Variants in OSBPL8 observed in about 807,000 individuals in gnomAD.
The protein encoded by OSBPL8 is oxysterol binding protein like 8.
In OSBPL8, 59 loss-of-function variants were observed where a neutral mutation model predicts 125.5. That is an observed-to-expected ratio of 0.47 (90% CI 0.38 to 0.58). The LOEUF (loss-of-function observed/expected upper bound fraction) is 0.58, where lower values mean the gene tolerates loss of function less well. OSBPL8 is among the 20% of genes least tolerant of loss of function. The probability of loss-of-function intolerance (pLI) is 0.00; values close to 1 mark genes in which losing one functional copy is unlikely to be tolerated. For missense variants in OSBPL8, 758 were observed against 1,047.8 expected (o/e 0.72, Z 3.82); for synonymous variants, 330 against 338.9 (o/e 0.97, Z 0.29).
At chr12:76,502,898 G>A (rs912760595) in intron 1 of OSBPL8, among the ~76,000 whole-genome samples, 1 of 152,182 alleles carries the variant, frequency 6.6e-6, no homozygotes, top group Non-Finnish European at 1.5e-5. Flanking sequence ...ATACAGTTGT[G>A]TATCAAATAT....
At chr12:76,534,944 A>G (rs1456908217) in intron 1 of OSBPL8, among the ~76,000 whole-genome samples, 1 of 152,224 alleles carries the variant, frequency 6.6e-6, no homozygotes, top group Non-Finnish European at 1.5e-5. Flanking sequence ...ATTAAAAACA[A>G]CAAGAACAAC....
intron 2 of OSBPL8, among the ~76,000 whole-genome samples, chr12:76,483,037 G>A (rs564863721): frequency 6.6e-6 from 1 of 152,166 alleles, no homozygotes; most frequent in Non-Finnish European, 1.5e-5. Context: ...CGAGGCAGGC[G>A]GATCATGAGG....
chr12:76,401,076 C>G (rs574783212), intron 6 of OSBPL8, among the ~76,000 whole-genome samples: 28 of 152,102 alleles, frequency 1.8e-4, no homozygotes, highest in Non-Finnish European at 4.0e-4. Context: ...AGCCACCACA[C>G]CTGGCCAATT....
chr12:76,363,334 A>T (rs1222356394), intron 21 of OSBPL8, among the ~76,000 whole-genome samples: 1 of 152,204 alleles, frequency 6.6e-6, no homozygotes, highest in Non-Finnish European at 1.5e-5. Context: ...GGAACAGAAC[A>T]GAGGCCTCAG....
At chr12:76,533,469 A>G (rs1013221873) in intron 1 of OSBPL8, among the ~76,000 whole-genome samples, 2 of 152,194 alleles carry the variant, frequency 1.3e-5, no homozygotes, top group African/African-American at 2.4e-5. Flanking sequence ...AACATTTCTA[A>G]AAATATCTAT....
intron 16 of OSBPL8, among the ~76,000 whole-genome samples, chr12:76,377,083 T>C (rs1952848541): frequency 6.6e-6 from 1 of 152,184 alleles, no homozygotes; most frequent in South Asian, 2.1e-4. Context: ...GCTTCATCCA[T>C]GTCCCTGCAA....
chr12:76,526,214 A>G (rs1301285220), intron 1 of OSBPL8, among the ~76,000 whole-genome samples: 1 of 152,258 alleles, frequency 6.6e-6, no homozygotes, highest in Non-Finnish European at 1.5e-5. Flanking sequence ...TAAACAATCC[A>G]GGAGGAGAAA....
At chr12:76,528,690 C>A (rs1049393191) in intron 1 of OSBPL8, among the ~76,000 whole-genome samples, 34 of 151,056 alleles carry the variant, frequency 2.3e-4, no homozygotes, top group South Asian at 4.2e-4. Context: ...ACACACACAC[C>A]CACACAACGA....
At chr12:76,460,312 C>A (rs1163401751) in intron 2 of OSBPL8, among the ~76,000 whole-genome samples, 1 of 152,020 alleles carries the variant, frequency 6.6e-6, no homozygotes, top group Non-Finnish European at 1.5e-5. Context: ...CTATATAACA[C>A]CCATGCACTA....
chr12:76,555,175 C>T (rs1269801242), intron 1 of OSBPL8, among the ~76,000 whole-genome samples: 1 of 151,964 alleles, frequency 6.6e-6, no homozygotes, highest in African/African-American at 2.4e-5. Flanking sequence ...ACCAGAAAAC[C>T]CCTTATTTCA....
At chr12:76,463,201 G>A (rs1419085095) in intron 2 of OSBPL8, among the ~76,000 whole-genome samples, 1 of 152,176 alleles carries the variant, frequency 6.6e-6, no homozygotes, top group African/African-American at 2.4e-5. Flanking sequence ...TGAAGGTGAT[G>A]AGAAGTAGCT....
In OSBPL8 at chr12:76,513,099, C is replaced by T. The variant is rs141276984; in HGVS notation, c.-67-25481G>A. ...ATGCTGTTTAATTTTCATGTAATTG[C>T]ATGGTTTTGAGGATTTTCTTAGTCT... On this transcript the variant is annotated intron_variant, in intron 1 of 23. Coordinates refer to ENST00000261183, the MANE Select transcript of OSBPL8 (RefSeq NM_020841.5). Among the ~76,000 whole-genome samples, 968 of 152,326 alleles carry T rather than the reference C, an allele frequency of 6.4e-3. 11 individuals carry two copies. Among genetic ancestry groups the T allele is most frequent in the African/African-American group, 0.022 (935 of 41,562 alleles).
chr12:76,403,634 A>G lies in OSBPL8; in HGVS notation c.289-868T>C, dbSNP rs148408051. Reference sequence around the variant, plus strand: ...AATTAAACATACTCCTTCAATGTCCATAAGTTTTATTTTTATCTATTGTTA... The same window carrying G: ...AATTAAACATACTCCTTCAATGTCCGTAAGTTTTATTTTTATCTATTGTTA... On this transcript the variant is annotated intron_variant, in intron 5 of 23. Transcript: ENST00000261183. 2.9e-3 allele frequency among the ~76,000 whole-genome samples: 444 copies of G among 152,354 alleles called. 2 individuals are homozygous for G. The highest frequency in any genetic ancestry group is 0.01 in the African/African-American group (426 of 41,586).
At chr12:76,356,123 T>G in intron 23 of OSBPL8, 102 bp from the exon 24 acceptor site, 1 of 775,294 alleles carries the variant, frequency 1.3e-6, no homozygotes, top group Non-Finnish European at 1.8e-6. Flanking sequence ...TTAATGTTAA[T>G]AATTTTTAGT....
chr12:76,488,115 A>T (rs904563571), intron 1 of OSBPL8, among the ~76,000 whole-genome samples: 2 of 152,230 alleles, frequency 1.3e-5, no homozygotes, highest in African/African-American at 4.8e-5. Flanking sequence ...GCCCAGAAAT[A>T]TATAAACAAT....
At chr12:76,477,961 TG>T (rs1877013767) in intron 2 of OSBPL8, among the ~76,000 whole-genome samples, 1 of 152,034 alleles carries the variant, frequency 6.6e-6, no homozygotes, top group African/African-American at 2.4e-5. Context: ...CCCAGCATTT[TG>T]GGAGGCTGAG....
At chr12:76,370,580 T>C (rs1952583010) in intron 19 of OSBPL8, among the ~76,000 whole-genome samples, 1 of 152,196 alleles carries the variant, frequency 6.6e-6, no homozygotes, top group Non-Finnish European at 1.5e-5. Flanking sequence ...TTTCCTCATC[T>C]TCAAATATGC....
At chr12:76,553,105 C>A (rs1161699286) in intron 1 of OSBPL8, among the ~76,000 whole-genome samples, 1 of 152,148 alleles carries the variant, frequency 6.6e-6, no homozygotes, top group Non-Finnish European at 1.5e-5. Context: ...CAAAGCACCC[C>A]ACCTCATTAC....
chr12:76,477,579 CAAG>C (rs1310810964), intron 2 of OSBPL8, among the ~76,000 whole-genome samples: 3 of 152,038 alleles, frequency 2.0e-5, no homozygotes, highest in African/African-American at 7.2e-5. Flanking sequence ...CGGTCATAAT[CAAG>C]AAGAACATGA....
Sources: allele counts gnomAD v4.1 joint callset (sites outside exome capture counted in the v4.1 genomes callset), GRCh38; gene constraint gnomAD v4.1.1; transcripts MANE v1.5; gene names NCBI Gene and HGNC (gene_info 2026-07-23, HGNC 2026-07-21).